TNFRSF10D: variants seen among roughly 807,000 people sequenced by gnomAD.
TNFRSF10D encodes the protein tumor necrosis factor receptor superfamily member 10D.
Under a neutral mutation model 42.1 loss-of-function variants are expected in TNFRSF10D, and 28 were observed. The observed-to-expected ratio is 0.66, with a 90% CI of 0.49 to 0.91. The LOEUF is 0.91. TNFRSF10D is among the 40% of genes least tolerant of loss of function. The pLI is 0.00. For missense variants in TNFRSF10D, 503 were observed against 486.1 expected (o/e 1.03, Z -0.33); for synonymous variants, 186 against 189.4 (o/e 0.98, Z 0.15).
chr8:23,138,858 T>A (rs1049950239), intron 7 of TNFRSF10D, among the ~76,000 whole-genome samples: 1 of 152,224 alleles, frequency 6.6e-6, no homozygotes, highest in African/African-American at 2.4e-5. Context: ...ATGATGAGAA[T>A]TTCTATATGA....
chr8:23,159,115 C>CTGTGGTTTTTGGTTTTAT (rs1800325043), intron 1 of TNFRSF10D, among the ~76,000 whole-genome samples: 1 of 151,672 alleles, frequency 6.6e-6, no homozygotes, highest in Non-Finnish European at 1.5e-5. Flanking sequence ...GTGTCTGTGT[C>CTGTGGTTTTTGGTTTTAT]TGTGGTTTTT....
At position 23,145,992 on chromosome 8, in the gene TNFRSF10D, AC is replaced by A. The variant is rs769202044; in HGVS notation, c.483-72del. On this transcript the variant is annotated intron_variant, in intron 4 of 8. Transcript: ENST00000312584. ...GGCCAGGTGGGATGAAAGAGGAGCC[AC>A]CCTCCCTGCCCAAAGTCCCTGAGAA... is the stretch of plus-strand genomic sequence containing the variant. The A allele has an allele frequency of 1.0e-3, 1,611 of 1,605,908 alleles. 3 individuals carry two copies. Among genetic ancestry groups the A allele is most frequent in the Non-Finnish European group, 1.0e-3 (1,171 of 1,176,438 alleles).
In TNFRSF10D at chr8:23,137,975, T is replaced by C; in HGVS notation, c.1056A>G (p.Thr352=). The change falls in exon 9 of 9, where the codon ACA becomes ACG. Residue 352 remains threonine, a synonymous_variant. Transcript: ENST00000312584. ...DISTLLDASA[T]LEEGHAKETI... is the part of the protein sequence containing the mutation. Reference sequence around the variant, plus strand: ...TTTCCTTTGCATGTCCTTCTTCCAGTGTTGCCGAGGCATCCAGCAAGGTGC... The same window carrying C: ...TTTCCTTTGCATGTCCTTCTTCCAGCGTTGCCGAGGCATCCAGCAAGGTGC... 1 of 1,614,202 alleles carries C rather than the reference T, an allele frequency of 6.2e-7. No homozygotes were observed. Among genetic ancestry groups the C allele is most frequent in the Middle Eastern group, 1.6e-4 (1 of 6,062 alleles).
chr8:23,163,205 T>A (rs1800400636), intron 1 of TNFRSF10D, among the ~76,000 whole-genome samples: 1 of 150,522 alleles, frequency 6.6e-6, no homozygotes, highest in South Asian at 2.1e-4. Flanking sequence ...ATTCAAGTGA[T>A]TCTCCTTCTG....
intron 7 of TNFRSF10D, among the ~76,000 whole-genome samples, chr8:23,139,883 C>T: frequency 6.6e-6 from 1 of 152,214 alleles, no homozygotes; most frequent in Non-Finnish European, 1.5e-5. Context: ...CCGTGGCTCA[C>T]ACCTGTAATC....
chr8:23,148,616 G>A (rs574556912), intron 2 of TNFRSF10D, 65 bp from the exon 3 acceptor site: 2 of 1,267,618 alleles, frequency 1.6e-6, no homozygotes, highest in South Asian at 1.2e-5. Context: ...GACAATGGCT[G>A]GCAAATTTCT....
At position 23,136,242 on chromosome 8, in the gene TNFRSF10D, T is replaced by C. The variant is rs1011057961; in HGVS notation, c.*1628A>G. On this transcript the variant is annotated 3_prime_UTR_variant, in exon 9 of 9. Transcript: ENST00000312584. ...TTACTGAGGTTTTTAAATAAAATAA[T>C]GGAACGTGACACAAGGACAAATGTG... 8 of 246,010 alleles carry C rather than the reference T, an allele frequency of 3.3e-5. No homozygotes were observed. The highest frequency in any genetic ancestry group is 1.4e-4 in the African/African-American group (6 of 43,758). 15.2% of individuals were successfully genotyped at this position (246,010 alleles called of 1,614,324 possible). A position where few individuals can be genotyped will look rare whatever the true frequency, so the allele number is the denominator to read the frequency against.
chr8:23,155,725 C>T (rs868850896), intron 1 of TNFRSF10D, among the ~76,000 whole-genome samples: 1 of 149,184 alleles, frequency 6.7e-6, no homozygotes, highest in Non-Finnish European at 1.5e-5. Context: ...AAACAAAAAA[C>T]AAAAAAACCA....
At chr8:23,154,540 G>T (rs931562948) in intron 2 of TNFRSF10D, among the ~76,000 whole-genome samples, 1 of 151,828 alleles carries the variant, frequency 6.6e-6, no homozygotes, top group Non-Finnish European at 1.5e-5. Flanking sequence ...TACTTTTATT[G>T]ACATGTTATC....
At chr8:23,150,165 T>C (rs534330542) in intron 2 of TNFRSF10D, among the ~76,000 whole-genome samples, 929 of 152,194 alleles carry the variant, frequency 6.1e-3, no homozygotes, top group African/African-American at 0.019. Flanking sequence ...TCCAGATCTG[T>C]CCTAGTGCCA....
At chr8:23,159,456 G>T (rs74657237) in intron 1 of TNFRSF10D, among the ~76,000 whole-genome samples, 490 of 151,488 alleles carry the variant, frequency 3.2e-3, no homozygotes, top group African/African-American at 0.01. Flanking sequence ...GAACCACTCA[G>T]CTTTTTAGCC....
Position 23,148,523 on chromosome 8 carries a change from G to C in TNFRSF10D, c.285C>G (p.Ala95=). ...CCACACCCTCTGTGCACGGGTTACA[G>C]GCTCCAGTATATTCTGATCTATGAG... ...AGSHRSEYTG[A]CNPCTEGVDY... The change falls in exon 3 of 9, where the codon GCC becomes GCG. Residue 95 remains alanine (A), a synonymous_variant. Coordinates refer to ENST00000312584, the MANE Select transcript of TNFRSF10D (RefSeq NM_003840.5). The C allele has an allele frequency of 2.5e-6, 4 of 1,610,318 alleles. No individual in the cohort carries two copies. Among genetic ancestry groups the C allele is most frequent in the Non-Finnish European group, 2.5e-6 (3 of 1,177,474 alleles).
At position 23,136,027 on chromosome 8, in the gene TNFRSF10D, G is replaced by A. The variant is rs1328020556; in HGVS notation, c.*1843C>T. 1,703 of 413,590 alleles carry A rather than the reference G, an allele frequency of 4.1e-3. No individual in the cohort carries two copies. The highest frequency in any genetic ancestry group is 0.02 in the African/African-American group (971 of 49,070). The allele number at this position is 413,590 out of a possible 1,614,324, so 25.6% of individuals were successfully genotyped here. A position where few individuals can be genotyped will look rare whatever the true frequency, so the allele number is the denominator to read the frequency against. On this transcript the variant is annotated 3_prime_UTR_variant, in exon 9 of 9. Coordinates refer to ENST00000312584, the MANE Select transcript of TNFRSF10D (RefSeq NM_003840.5). ...AGGCCATCCCCTCCTAAAACTCCAT[G>A]GACACAACAATCTGAATGTGCGAAC... is the stretch of plus-strand genomic sequence containing the variant.
intron 7 of TNFRSF10D, among the ~76,000 whole-genome samples, chr8:23,141,245 T>C (rs1237749946): frequency 5.7e-3 from 864 of 152,016 alleles, no homozygotes; most frequent in African/African-American, 0.018. Context: ...GGGCTCACAC[T>C]TATAATACCA....
chr8:23,140,826 C>T (rs1040244224), intron 7 of TNFRSF10D, among the ~76,000 whole-genome samples: 5 of 152,146 alleles, frequency 3.3e-5, no homozygotes, highest in Non-Finnish European at 5.9e-5. Context: ...TGAGGCCTCC[C>T]CAGCCATGTG....
At chr8:23,156,045 T>TA (rs1168180719) in intron 1 of TNFRSF10D, among the ~76,000 whole-genome samples, 2 of 152,192 alleles carry the variant, frequency 1.3e-5, no homozygotes, top group Non-Finnish European at 2.9e-5. Flanking sequence ...CTCTGTGTTA[T>TA]AAATGACGAC....
rs1199602865 is a variant in TNFRSF10D at position 23,136,900 on chromosome 8, C to G, written c.*970G>C. 6.6e-6 allele frequency: 1 copy of G among 152,122 alleles called. No homozygotes were observed. Among genetic ancestry groups the G allele is most frequent in the Non-Finnish European group, 1.5e-5 (1 of 68,034 alleles). 9.4% of individuals were successfully genotyped at this position (152,122 alleles called of 1,614,324 possible). A position where few individuals can be genotyped will look rare whatever the true frequency, so the allele number is the denominator to read the frequency against. Reference sequence around the variant, plus strand: ...CAGCCATCAAACCCTGGTCCAGTCTCAGGGCGCAGGAGGGAGAACTGGAAT... The same window carrying G: ...CAGCCATCAAACCCTGGTCCAGTCTGAGGGCGCAGGAGGGAGAACTGGAAT... On this transcript the variant is annotated 3_prime_UTR_variant, in exon 9 of 9. Transcript: ENST00000312584.
chr8:23,146,851 G>A (rs987229540), intron 4 of TNFRSF10D, 110 bp downstream of exon 4: 17 of 898,940 alleles, frequency 1.9e-5, no homozygotes, highest in African/African-American at 1.7e-4. Flanking sequence ...GGCTCAGGGA[G>A]GCCTCGGGCC....
At chr8:23,142,431 A>G (rs1800041275) in intron 7 of TNFRSF10D, among the ~76,000 whole-genome samples, 1 of 152,262 alleles carries the variant, frequency 6.6e-6, no homozygotes, top group South Asian at 2.1e-4. Flanking sequence ...AAAGAATGAA[A>G]TCATATTGTT....
Sources: gnomAD v4.1 joint callset for allele counts (sites outside exome capture counted in the v4.1 genomes callset) on GRCh38, gnomAD v4.1.1 for gene constraint, MANE v1.5 for transcripts, NCBI Gene and HGNC (gene_info 2026-07-23, HGNC 2026-07-21) for gene names.